The following PCDHA10 variants were observed in gnomAD, a reference collection of about 807,000 sequenced individuals.
The protein encoded by PCDHA10 is protocadherin alpha-10.
In PCDHA10, 45 loss-of-function variants were observed where a neutral mutation model predicts 61.2. The ratio of observed to expected loss-of-function variants is 0.74; its 90% CI spans 0.58 to 0.94. The LOEUF is 0.94. Among genes scored for constraint, PCDHA10 ranks in the 40% least tolerant of loss-of-function variants. The pLI is 0.00. For synonymous variants in PCDHA10, 602 were observed against 548.8 expected (o/e 1.10, Z -1.35); for missense variants, 1,278 against 1,236.2 (o/e 1.03, Z -0.51).
At chr5:140,892,236 C>T (rs1490048562) in intron 1 of PCDHA10, among the ~76,000 whole-genome samples, 3 of 152,140 alleles carry the variant, frequency 2.0e-5, no homozygotes, top group African/African-American at 7.2e-5. Context: ...TTTGTCTCCA[C>T]ATAAACCTGG....
chr5:140,858,473 A>G (rs1055200728), intron 1 of PCDHA10, 37 bp downstream of exon 1: 2 of 1,518,350 alleles, frequency 1.3e-6, no homozygotes, highest in Non-Finnish European at 1.8e-6. Context: ...TTTGTGCTTT[A>G]TGAATAATAT....
intron 1 of PCDHA10, chr5:140,867,940 ACTT>A (rs2050206930): frequency 6.6e-6 from 1 of 152,110 alleles, no homozygotes; most frequent in African/African-American, 2.4e-5. Flanking sequence ...TTTTCCATGA[ACTT>A]CTGCTCCCAA....
chr5:140,884,116 C>T (rs1554181240), intron 1 of PCDHA10: 2 of 1,613,304 alleles, frequency 1.2e-6, no homozygotes, highest in South Asian at 2.2e-5. Context: ...TGGCGGCGGT[C>T]GGCGCGCGCA....
intron 1 of PCDHA10, among the ~76,000 whole-genome samples, chr5:140,976,433 C>T (rs2096716122): frequency 6.6e-6 from 1 of 152,036 alleles, no homozygotes; most frequent in South Asian, 2.1e-4. Context: ...TGCCTGTAAT[C>T]CCAGCTACTA....
At chr5:140,927,596 G>C in intron 1 of PCDHA10, 3 of 1,614,162 alleles carry the variant, frequency 1.9e-6, no homozygotes, top group Non-Finnish European at 2.5e-6. Flanking sequence ...GTATTTGAGC[G>C]CTCCGTATAC....
At chr5:140,871,432 C>T (rs782382962) in intron 1 of PCDHA10, 1 of 1,612,926 alleles carries the variant, frequency 6.2e-7, no homozygotes, top group Non-Finnish European at 8.5e-7. Flanking sequence ...CAGTCTTCCT[C>T]TAGGTCTGAA....
intron 1 of PCDHA10, chr5:140,875,605 G>T (rs782421314): frequency 3.5e-5 from 57 of 1,613,756 alleles, no homozygotes; most frequent in Admixed American, 1.3e-4. Context: ...CGGCACCTTC[G>T]TGGGCCGCAT....
At chr5:140,923,839 A>G (rs2081544977) in intron 1 of PCDHA10, among the ~76,000 whole-genome samples, 1 of 152,236 alleles carries the variant, frequency 6.6e-6, no homozygotes, top group Non-Finnish European at 1.5e-5. Flanking sequence ...CAGTTTAAAT[A>G]GAGAAATGGG....
At chr5:140,898,664 G>C (rs1360946717) in intron 1 of PCDHA10, among the ~76,000 whole-genome samples, 1 of 152,190 alleles carries the variant, frequency 6.6e-6, no homozygotes, top group Non-Finnish European at 1.5e-5. Flanking sequence ...GATTGACTTG[G>C]TGTTGCGGGC....
In PCDHA10 at chr5:140,874,972, G is replaced by A. The variant is rs2055201149; in HGVS notation, c.2388+16536G>A. On this transcript the variant is annotated intron_variant, in intron 1 of 3. Coordinates refer to ENST00000307360, the MANE Select transcript of PCDHA10 (RefSeq NM_018901.4). ...TTGTAAGCTATATAAGGGGAGGGGT[G>A]CTGTATATTATTCTGTATATCATTT... 2.6e-5 allele frequency among the ~76,000 whole-genome samples: 4 copies of A among 152,186 alleles called. No homozygotes were observed. In the South Asian group the frequency reaches 6.2e-4, roughly 24 times the overall value.
intron 1 of PCDHA10, chr5:140,859,924 T>C (rs1554152837): frequency 6.6e-6 from 1 of 151,964 alleles, no homozygotes; most frequent in African/African-American, 2.4e-5. Flanking sequence ...ATAAGTAATA[T>C]AAAAAACTTA....
intron 1 of PCDHA10, among the ~76,000 whole-genome samples, chr5:140,874,530 G>A (rs1332198120): frequency 1.3e-5 from 2 of 152,200 alleles, no homozygotes; most frequent in Admixed American, 1.3e-4. Flanking sequence ...ATGAGATTAG[G>A]CTCCAAAACC....
chr5:140,998,042 C>T (rs187874119), intron 3 of PCDHA10, among the ~76,000 whole-genome samples: 21 of 152,284 alleles, frequency 1.4e-4, no homozygotes, highest in Non-Finnish European at 2.2e-4. Flanking sequence ...TGTCACTTAA[C>T]TCAGTGACAT....
At position 140,858,250 on chromosome 5, in the gene PCDHA10, G is replaced by C; in HGVS notation, c.2202G>C (p.Lys734Asn). ...CCGAGGGCGCATGTGGGCCGGTGAA[G>C]CCCACGCTGGTGTGCTCTAGCGCGG... ...APTEGACGPV[K>N]PTLVCSSAVG... The change falls in exon 1 of 4, where the codon AAG becomes AAC. Residue 734 changes from lysine to asparagine, a missense_variant. Transcript: ENST00000307360. 1 of 1,596,872 alleles carries C rather than the reference G, an allele frequency of 6.3e-7. No homozygotes were observed. The highest frequency in any genetic ancestry group is 8.6e-7 in the Non-Finnish European group (1 of 1,166,700).
chr5:140,878,537 C>G (rs1554170454), intron 1 of PCDHA10, among the ~76,000 whole-genome samples: 2 of 152,152 alleles, frequency 1.3e-5, no homozygotes, highest in African/African-American at 4.8e-5. Flanking sequence ...GTGGCTCAAA[C>G]CAGTTTCAGA....
Position 140,871,064 on chromosome 5 carries a change from G to A in PCDHA10, c.2388+12628G>A, listed in dbSNP as rs369373152. The A allele has an allele frequency of 5.6e-6, 9 of 1,613,116 alleles. No individual in the cohort carries two copies. Among genetic ancestry groups the A allele is most frequent in the Middle Eastern group, 1.6e-4 (1 of 6,084 alleles). ...CTTCTAGTACTGGTGAAGGATCACG[G>A]TGAGCCGGCGCTGACGGCCACGGCC... On this transcript the variant is annotated intron_variant, in intron 1 of 3. Coordinates refer to ENST00000307360, the MANE Select transcript of PCDHA10 (RefSeq NM_018901.4).
chr5:140,884,708 T>C, intron 1 of PCDHA10: 1 of 1,479,044 alleles, frequency 6.8e-7, no homozygotes, highest in Non-Finnish European at 9.0e-7. Flanking sequence ...ACTTTAGCCT[T>C]CCTTGCAGTT....
chr5:140,987,481 G>T (rs1244029095), intron 3 of PCDHA10, among the ~76,000 whole-genome samples: 1 of 152,170 alleles, frequency 6.6e-6, no homozygotes, highest in Non-Finnish European at 1.5e-5. Flanking sequence ...TTGGGAGTCA[G>T]TGACCCTTTC....
At chr5:140,870,952 T>G in intron 1 of PCDHA10, 4 of 1,613,610 alleles carry the variant, frequency 2.5e-6, no homozygotes, top group Non-Finnish European at 3.4e-6. Flanking sequence ...GGCGGGCGGC[T>G]CGCGCATCCC....
Sources: allele counts gnomAD v4.1 joint callset (sites outside exome capture counted in the v4.1 genomes callset), GRCh38; gene constraint gnomAD v4.1.1; transcripts MANE v1.5; gene names NCBI Gene and HGNC (gene_info 2026-07-23, HGNC 2026-07-21).